The following NDUFS4 variants were observed in gnomAD, a reference collection of about 807,000 sequenced individuals.
NDUFS4 encodes the protein NADH dehydrogenase [ubiquinone] iron-sulfur protein 4, mitochondrial.
Under a neutral mutation model 24.3 loss-of-function variants are expected in NDUFS4, and 28 were observed. The observed-to-expected ratio is 1.15, with a 90% confidence interval of 0.85 to 1.58. The LOEUF is 1.58. NDUFS4 is among the 40% of genes most tolerant of loss of function. The probability of loss-of-function intolerance (pLI) is 0.00; values close to 1 mark genes in which losing one functional copy is unlikely to be tolerated. For missense variants in NDUFS4, 223 were observed against 207.9 expected (o/e 1.07, Z -0.45); for synonymous variants, 93 against 69.7 (o/e 1.34, Z -1.67).
rs539397148 is a variant in NDUFS4 at position 53,646,188 on chromosome 5, A to T, written c.178-45A>T. The T allele has an allele frequency of 7.7e-6, 11 of 1,433,056 alleles. No individual in the cohort carries two copies. In the South Asian group the frequency reaches 1.3e-4, roughly 17 times the overall value. 88.8% of individuals were successfully genotyped at this position (1,433,056 alleles called of 1,614,324 possible). A position where few individuals can be genotyped will look rare whatever the true frequency, so the allele number is the denominator to read the frequency against. ...AAACAACAAAAGTACATTAGTGTGT[A>T]TGTAGGCTGTTTGAAACGTGTTTTT... On this transcript the variant is annotated intron_variant, in intron 2 of 4. Coordinates refer to ENST00000296684, the MANE Select transcript of NDUFS4 (RefSeq NM_002495.4).
intron 2 of NDUFS4, among the ~76,000 whole-genome samples, chr5:53,623,313 A>T (rs574877853): frequency 2.0e-4 from 31 of 152,274 alleles, no homozygotes; most frequent in Non-Finnish European, 4.1e-4. Flanking sequence ...AGCCATCCTA[A>T]TGTGTGTGAA....
chr5:53,680,166 G>A (rs114412076), intron 4 of NDUFS4, among the ~76,000 whole-genome samples: 3,116 of 148,984 alleles, frequency 0.021, 118 homozygotes, highest in African/African-American at 0.074. Context: ...TTATTTTCTC[G>A]ATATTTTTTC....
At chr5:53,663,995 G>A (rs530885186) in intron 4 of NDUFS4, among the ~76,000 whole-genome samples, 3 of 152,212 alleles carry the variant, frequency 2.0e-5, no homozygotes, top group Middle Eastern at 3.4e-3. Flanking sequence ...CATGTGTAGT[G>A]CTTCCTTCAA....
rs188181636 is a variant in NDUFS4 at position 53,576,612 on chromosome 5, A to G, written c.98+15852A>G. Reference sequence around the variant, plus strand: ...GAAATACTTGATTTGAGTCAGATTAAACACACTAAGGGTTTACAAAAAATA... The same window carrying G: ...GAAATACTTGATTTGAGTCAGATTAGACACACTAAGGGTTTACAAAAAATA... On this transcript the variant is annotated intron_variant, in intron 1 of 4. Coordinates refer to ENST00000296684, the MANE Select transcript of NDUFS4 (RefSeq NM_002495.4). 2.4e-4 allele frequency among the ~76,000 whole-genome samples: 36 copies of G among 151,310 alleles called. No homozygotes were observed. In the East Asian group the frequency reaches 6.2e-3, roughly 26 times the overall value.
intron 1 of NDUFS4, among the ~76,000 whole-genome samples, chr5:53,567,195 C>T (rs1228042864): frequency 1.3e-5 from 2 of 152,074 alleles, no homozygotes. Context: ...TGATGTGGAA[C>T]CCACAGATGC....
chr5:53,663,763 T>C (rs1216798278), intron 4 of NDUFS4, among the ~76,000 whole-genome samples: 1 of 152,208 alleles, frequency 6.6e-6, no homozygotes, highest in Non-Finnish European at 1.5e-5. Flanking sequence ...TACAGGACAC[T>C]GATGGGTCCT....
chr5:53,625,065 C>T (rs1365578882), intron 2 of NDUFS4, among the ~76,000 whole-genome samples: 1 of 152,044 alleles, frequency 6.6e-6, no homozygotes, highest in Non-Finnish European at 1.5e-5. Flanking sequence ...CCCACCTCAT[C>T]TTCCTGAGTA....
chr5:53,650,565 G>A (rs960837795), intron 3 of NDUFS4, among the ~76,000 whole-genome samples: 12 of 152,294 alleles, frequency 7.9e-5, no homozygotes, highest in African/African-American at 2.6e-4. Context: ...TCAGATTCTT[G>A]TCTGTGTCTC....
intron 3 of NDUFS4, among the ~76,000 whole-genome samples, chr5:53,648,307 C>A (rs1003947621): frequency 2.6e-5 from 4 of 152,114 alleles, no homozygotes; most frequent in African/African-American, 9.7e-5. Context: ...TAGTACAAGA[C>A]CTGGCCTGGA....
chr5:53,561,542 C>T (rs562365537), intron 1 of NDUFS4, among the ~76,000 whole-genome samples: 73 of 151,520 alleles, frequency 4.8e-4, no homozygotes, highest in Middle Eastern at 6.8e-3. Flanking sequence ...TATTAACCTT[C>T]CATTTTCTAT....
intron 4 of NDUFS4, among the ~76,000 whole-genome samples, chr5:53,677,138 G>T (rs772112152): frequency 3.9e-5 from 6 of 152,052 alleles, no homozygotes; most frequent in Non-Finnish European, 8.8e-5. Flanking sequence ...CTGGAGTAAT[G>T]GATTACTACC....
At chr5:53,584,606 C>T (rs1749681336) in intron 1 of NDUFS4, among the ~76,000 whole-genome samples, 1 of 151,972 alleles carries the variant, frequency 6.6e-6, no homozygotes, top group Non-Finnish European at 1.5e-5. Flanking sequence ...TCCCAAAGTG[C>T]TGGGATTACA....
chr5:53,675,157 CTTTTTTTT>C (rs70983372), intron 4 of NDUFS4, among the ~76,000 whole-genome samples: 22 of 102,968 alleles, frequency 2.1e-4, no homozygotes, highest in Admixed American at 7.2e-4. Context: ...AACAGAGTTC[CTTTTTTTT>C]TTTTTTTTTT....
intron 2 of NDUFS4, among the ~76,000 whole-genome samples, chr5:53,642,106 C>T (rs1188862475): frequency 1.3e-5 from 2 of 152,090 alleles, no homozygotes; most frequent in African/African-American, 4.8e-5. Flanking sequence ...AAAAACCTTA[C>T]ATTTATTTCT....
chr5:53,594,147 G>T (rs1750060021), intron 1 of NDUFS4, among the ~76,000 whole-genome samples: 1 of 152,116 alleles, frequency 6.6e-6, no homozygotes, highest in East Asian at 1.9e-4. Context: ...GAATGTTGAA[G>T]TGTCCCACAA....
intron 1 of NDUFS4, among the ~76,000 whole-genome samples, chr5:53,564,413 T>G (rs993004028): frequency 1.3e-5 from 2 of 152,248 alleles, no homozygotes; most frequent in African/African-American, 4.8e-5. Context: ...AAGCCAAAGT[T>G]TGAGAGCTTG....
chr5:53,617,680 G>A (rs1399913490), intron 2 of NDUFS4, among the ~76,000 whole-genome samples: 1 of 152,032 alleles, frequency 6.6e-6, no homozygotes, highest in African/African-American at 2.4e-5. Flanking sequence ...CACCCTCTAA[G>A]CACTTTTTTA....
chr5:53,613,620 T>C (rs1441240305), intron 2 of NDUFS4, among the ~76,000 whole-genome samples: 1 of 148,852 alleles, frequency 6.7e-6, no homozygotes, highest in African/African-American at 2.5e-5. Context: ...TTTTTTACAA[T>C]GTATTTCCCT....
intron 2 of NDUFS4, among the ~76,000 whole-genome samples, chr5:53,632,853 A>C (rs143904289): frequency 6.6e-6 from 1 of 152,300 alleles, no homozygotes; most frequent in Non-Finnish European, 1.5e-5. Context: ...CATATACTAC[A>C]CTGTGACAAT....
Sources: gnomAD v4.1 joint callset for allele counts (sites outside exome capture counted in the v4.1 genomes callset) on GRCh38, gnomAD v4.1.1 for gene constraint, MANE v1.5 for transcripts, NCBI Gene and HGNC (gene_info 2026-07-23, HGNC 2026-07-21) for gene names.